Variants in PALM2AKAP2 observed in about 807,000 individuals in gnomAD.
PALM2AKAP2 encodes PALM2 and AKAP2 fusion, also known as PALM2-AKAP2 fusion protein.
In PALM2AKAP2, 37 loss-of-function variants were observed where a neutral mutation model predicts 71.5. The ratio of observed to expected loss-of-function variants is 0.52; its 90% CI spans 0.40 to 0.68. The LOEUF (loss-of-function observed/expected upper bound fraction) is 0.68, where lower values mean the gene tolerates loss of function less well. Among genes scored for constraint, PALM2AKAP2 ranks in the 30% least tolerant of loss-of-function variants. PALM2AKAP2 has a pLI of 0.00. For missense variants in PALM2AKAP2, 1,224 were observed against 1,191.8 expected (o/e 1.03, Z -0.40); for synonymous variants, 468 against 478.8 (o/e 0.98, Z 0.29).
chr9:110,138,823 CTT>C (rs1263025258), intron 2 of PALM2AKAP2, among the ~76,000 whole-genome samples: 1 of 152,200 alleles, frequency 6.6e-6, no homozygotes. Context: ...GAATTGTTCT[CTT>C]TTACTTGAAA....
Position 109,813,297 on chromosome 9 carries a change from C to T in PALM2AKAP2, c.45+32764C>T, listed in dbSNP as rs180981503. Among the ~76,000 whole-genome samples, 11 of 152,300 alleles carry T rather than the reference C, an allele frequency of 7.2e-5. No homozygotes were observed. The East Asian group carries it at 1.9e-3, about 27-fold the overall frequency. On this transcript the variant is annotated intron_variant, in intron 1 of 9. Transcript: ENST00000302798. ...AGCTACACAACATTAAAAGATTGCC[C>T]ATTTCTCAGCTTGCCCTAATGAATT...
At chr9:109,773,599 T>A (rs1242944024) in intron 1 of PALM2AKAP2, among the ~76,000 whole-genome samples, 2 of 152,236 alleles carry the variant, frequency 1.3e-5, no homozygotes, top group African/African-American at 2.4e-5. Flanking sequence ...CTAATGGGAC[T>A]AGTTAGCTAT....
At chr9:110,024,736 A>G (rs1408538460) in intron 7 of PALM2AKAP2, 1 of 591,788 alleles carries the variant, frequency 1.7e-6, no homozygotes, top group East Asian at 2.8e-5. Flanking sequence ...GTGAGCTGTG[A>G]TTGTGTCACT....
chr9:110,043,153 G>T (rs1833536810), intron 7 of PALM2AKAP2, among the ~76,000 whole-genome samples: 1 of 152,058 alleles, frequency 6.6e-6, no homozygotes. Context: ...TCCTATGCCT[G>T]GTCTTCACCC....
rs1423440987 is a variant in PALM2AKAP2, at chr9:110,075,534, T to G, written c.156+26679T>G. On this transcript the variant is annotated intron_variant, in intron 1 of 3. Transcript: ENST00000374525. The stretch of plus-strand genomic sequence containing the variant: ...CAGAAATGACGTGCCACTGGTAACA[T>G]TTAGACTTATTTCCTCCTAATATGT... Among the ~76,000 whole-genome samples, 11 of 152,144 alleles carry G rather than the reference T, an allele frequency of 7.2e-5. No homozygotes were observed. In the East Asian group the frequency reaches 2.1e-3, roughly 29 times the overall value.
intron 1 of PALM2AKAP2, among the ~76,000 whole-genome samples, chr9:109,835,351 G>C (rs926045952): frequency 6.7e-6 from 1 of 149,438 alleles, no homozygotes; most frequent in African/African-American, 2.5e-5. Flanking sequence ...TAGAGGAAAG[G>C]GTGGAGGGAT....
chr9:110,112,002 T>C (rs767525373), intron 1 of PALM2AKAP2, among the ~76,000 whole-genome samples: 6 of 152,088 alleles, frequency 3.9e-5, no homozygotes, highest in Non-Finnish European at 8.8e-5. Context: ...CTCTCTGCTA[T>C]TGTAGGATCC....
chr9:109,983,407 C>T (rs1832312996), intron 6 of PALM2AKAP2, among the ~76,000 whole-genome samples: 1 of 151,974 alleles, frequency 6.6e-6, no homozygotes, highest in Non-Finnish European at 1.5e-5. Flanking sequence ...TCTTCTTTTT[C>T]GTCTCCTTCT....
intron 2 of PALM2AKAP2, among the ~76,000 whole-genome samples, chr9:110,139,737 T>A (rs1235950425): frequency 6.6e-6 from 1 of 152,216 alleles, no homozygotes; most frequent in Non-Finnish European, 1.5e-5. Flanking sequence ...TAAAGAAAAG[T>A]TCCCAAGTAC....
chr9:109,855,734 G>A (rs116886506), intron 1 of PALM2AKAP2, among the ~76,000 whole-genome samples: 233 of 152,248 alleles, frequency 1.5e-3, no homozygotes, highest in Non-Finnish European at 2.9e-3. Context: ...GACCACAAAA[G>A]GATTAAATCC....
chr9:109,680,946 T>G (rs1219452360), intron 1 of PALM2AKAP2, among the ~76,000 whole-genome samples: 1 of 152,144 alleles, frequency 6.6e-6, no homozygotes, highest in African/African-American at 2.4e-5. Flanking sequence ...CCATCCCAGG[T>G]AAAGATCCCA....
chr9:110,117,878 G>T (rs201147630), intron 1 of PALM2AKAP2, among the ~76,000 whole-genome samples: 32,368 of 151,136 alleles, frequency 0.21, 3,856 homozygotes, highest in East Asian at 0.32. Flanking sequence ...TATATAGAGA[G>T]AGAGAGAGAG....
intron 1 of PALM2AKAP2, among the ~76,000 whole-genome samples, chr9:109,850,456 C>T (rs1011914828): frequency 2.6e-5 from 4 of 151,956 alleles, no homozygotes; most frequent in African/African-American, 9.7e-5. Flanking sequence ...TCCCTTTTGA[C>T]CTAGTTTATC....
chr9:109,814,545 T>G (rs1827805334), intron 1 of PALM2AKAP2, among the ~76,000 whole-genome samples: 1 of 152,210 alleles, frequency 6.6e-6, no homozygotes, highest in Admixed American at 6.5e-5. Context: ...TTCACTCATA[T>G]GCAGAATAAG....
intron 1 of PALM2AKAP2, among the ~76,000 whole-genome samples, chr9:110,066,105 C>T (rs917960999): frequency 6.6e-6 from 1 of 152,172 alleles, no homozygotes; most frequent in African/African-American, 2.4e-5. Flanking sequence ...AGAACAGATA[C>T]ATGAAAAAGT....
At chr9:109,719,584 G>T (rs546252966) in intron 1 of PALM2AKAP2, among the ~76,000 whole-genome samples, 1 of 152,320 alleles carries the variant, frequency 6.6e-6, no homozygotes, top group East Asian at 1.9e-4. Context: ...AGGGTCACCA[G>T]TATGAATATT....
intron 1 of PALM2AKAP2, among the ~76,000 whole-genome samples, chr9:109,724,690 G>A (rs1337742318): frequency 6.6e-6 from 1 of 152,156 alleles, no homozygotes; most frequent in Non-Finnish European, 1.5e-5. Context: ...TCTGAAGGGT[G>A]TCTTGTTATT....
intron 1 of PALM2AKAP2, among the ~76,000 whole-genome samples, chr9:109,851,652 G>A (rs1829024645): frequency 6.6e-6 from 1 of 152,074 alleles, no homozygotes; most frequent in South Asian, 2.1e-4. Context: ...GAAGATGATG[G>A]TGCACTTCTC....
chr9:109,945,998 G>A (rs1427450654), intron 6 of PALM2AKAP2: 2 of 152,216 alleles, frequency 1.3e-5, no homozygotes, highest in Non-Finnish European at 2.9e-5. Context: ...ATGGACTGAA[G>A]TAAGATGTGT....
Sources: gnomAD v4.1 joint callset for allele counts (sites outside exome capture counted in the v4.1 genomes callset) on GRCh38, gnomAD v4.1.1 for gene constraint, MANE v1.5 for transcripts, NCBI Gene and HGNC (gene_info 2026-07-23, HGNC 2026-07-21) for gene names.